KTN1: variants seen among roughly 807,000 people sequenced by gnomAD.
The protein encoded by KTN1 is kinectin 1.
Under a neutral mutation model 222.5 loss-of-function variants are expected in KTN1, and 130 were observed. That is an observed-to-expected ratio of 0.58 (90% CI 0.51 to 0.68). The LOEUF (loss-of-function observed/expected upper bound fraction) is 0.68. Among genes scored for constraint, KTN1 ranks in the 30% least tolerant of loss-of-function variants. The pLI is 0.00. For synonymous variants in KTN1, 512 were observed against 496.3 expected, an observed-to-expected ratio of 1.03 and a Z score of -0.42; for missense variants, 1,508 against 1,500.4, an observed-to-expected ratio of 1.01 and a Z score of -0.08.
At chr14:55,679,189 G>A (rs1158606589) in intron 42 of KTN1, 1 of 186,230 alleles carries the variant, frequency 5.4e-6, no homozygotes, top group Non-Finnish European at 1.1e-5. Context: ...ACAGTGCCTG[G>A]CACTTACTTA....
Position 55,612,538 on chromosome 14 carries a change from A to G in KTN1, c.490A>G (p.Lys164Glu). The change falls in exon 2 of 44, where the codon AAA becomes GAA. Residue 164 changes from lysine to glutamate, a missense_variant. Transcript: ENST00000395314. Reference protein sequence around the residue: ...PPSEAAASKKKPGQKKSKNGS... With the variant: ...PPSEAAASKKEPGQKKSKNGS... ...CTCTGAAGCAGCTGCCTCGAAGAAGAAACCAGGGCAGAAGAAGTCTAAAAA... is the reference window on the plus strand; with the variant it reads ...CTCTGAAGCAGCTGCCTCGAAGAAGGAACCAGGGCAGAAGAAGTCTAAAAA... 6.3e-7 allele frequency: 1 copy of G among 1,597,928 alleles called. No homozygotes were observed. Among genetic ancestry groups the G allele is most frequent in the East Asian group, 2.2e-5 (1 of 44,822 alleles).
intron 1 of KTN1, among the ~76,000 whole-genome samples, chr14:55,588,306 A>G (rs1414297127): frequency 1.3e-5 from 2 of 152,204 alleles, no homozygotes; most frequent in Non-Finnish European, 2.9e-5. Context: ...TGTAAGATGA[A>G]TCATCTGTCT....
At chr14:55,590,780 A>G (rs1460355544) in intron 1 of KTN1, among the ~76,000 whole-genome samples, 4 of 150,996 alleles carry the variant, frequency 2.6e-5, no homozygotes, top group Non-Finnish European at 5.9e-5. Flanking sequence ...GGTTCAAGCG[A>G]TTTTCCTGCA....
intron 1 of KTN1, among the ~76,000 whole-genome samples, chr14:55,599,282 C>A (rs905582535): frequency 6.6e-6 from 1 of 151,956 alleles, no homozygotes; most frequent in Non-Finnish European, 1.5e-5. Flanking sequence ...TTTTTGGGAT[C>A]TACTCCCTGT....
At chr14:55,665,459 G>A (rs1329899058) in intron 33 of KTN1, among the ~76,000 whole-genome samples, 5 of 151,952 alleles carry the variant, frequency 3.3e-5, no homozygotes, top group Admixed American at 2.6e-4. Flanking sequence ...GAATAGAATT[G>A]AAAGTCTTCT....
intron 1 of KTN1, among the ~76,000 whole-genome samples, chr14:55,589,656 CTTT>C (rs765755065): frequency 9.8e-6 from 1 of 102,056 alleles, no homozygotes; most frequent in African/African-American, 3.6e-5. Context: ...CATCTGATTT[CTTT>C]TTTTTTTTTT....
At chr14:55,592,884 T>A (rs2034379628) in intron 1 of KTN1, among the ~76,000 whole-genome samples, 1 of 152,238 alleles carries the variant, frequency 6.6e-6, no homozygotes, top group South Asian at 2.1e-4. Context: ...TGAAAAATTC[T>A]CACCTCTTTA....
chr14:55,656,069 G>C lies in KTN1; in HGVS notation c.2829G>C (p.Lys943Asn), dbSNP rs2043436135. Residue 943 changes from lysine to asparagine, a missense_variant, in exon 29 of 44, where the codon AAG (lysine) becomes AAC (asparagine). Physicochemically the swap from Lys to Asn is moderately conservative, Grantham distance 94. Coordinates refer to ENST00000395314, the MANE Select transcript of KTN1 (RefSeq NM_001079521.2). The stretch of plus-strand genomic sequence containing the variant: ...TGAAAGAAAAGGAAAATGAATTGAA[G>C]AGGTTAGAAGCCATGCTAAAAGAGA... ...IVLKEKENEL[K>N]RLEAMLKERE... 1 of 1,605,000 alleles carries C rather than the reference G, an allele frequency of 6.2e-7. No individual in the cohort carries two copies. Among genetic ancestry groups the C allele is most frequent in the South Asian group, 1.1e-5 (1 of 89,372 alleles).
intron 37 of KTN1, chr14:55,672,280 T>G (rs1431870352): frequency 8.5e-6 from 2 of 234,980 alleles, no homozygotes; most frequent in Admixed American, 1.0e-4. Context: ...TACTTCAGCG[T>G]GATAAAGAGT....
chr14:55,656,150 A>G lies in KTN1; in HGVS notation c.2892+18A>G. 2 of 1,484,582 alleles carry G rather than the reference A, an allele frequency of 1.3e-6. No individual in the cohort carries two copies. Among genetic ancestry groups the G allele is most frequent in the Non-Finnish European group, 9.3e-7 (1 of 1,079,014 alleles). The allele number at this position is 1,484,582 out of a possible 1,614,324, so 92.0% of individuals were successfully genotyped here. A position where few individuals can be genotyped will look rare whatever the true frequency, so the allele number is the denominator to read the frequency against. On this transcript the variant is annotated intron_variant, in intron 29 of 43. Transcript: ENST00000395314. The stretch of plus-strand genomic sequence containing the variant: ...TGTTACAGGTGAATATGGTGACTTA[A>G]AATTAATTATTTTGTAAATTATTGT...
In KTN1 at chr14:55,660,887, G is replaced by C. The variant is rs369221865; in HGVS notation, c.3000-635G>C. Reference sequence around the variant, plus strand: ...GTGGGCCCATAGCCCTAGTTTGCCAGCCTCTTATATGGACACTGATTCTCA... The same window carrying C: ...GTGGGCCCATAGCCCTAGTTTGCCACCCTCTTATATGGACACTGATTCTCA... On this transcript the variant is annotated intron_variant, in intron 31 of 43. Coordinates refer to ENST00000395314, the MANE Select transcript of KTN1 (RefSeq NM_001079521.2). 2.0e-5 allele frequency among the ~76,000 whole-genome samples: 3 copies of C among 152,190 alleles called. 1 individual carries two copies. Among genetic ancestry groups the C allele is most frequent in the South Asian group, 2.1e-4 (1 of 4,834 alleles).
intron 20 of KTN1, among the ~76,000 whole-genome samples, chr14:55,648,509 A>G (rs1424841334): frequency 6.6e-6 from 1 of 152,198 alleles, no homozygotes; most frequent in Admixed American, 6.5e-5. Flanking sequence ...ATGTATTTGA[A>G]TGTAGGGAGA....
At chr14:55,677,473 T>TAAAAAA (rs72424779) in intron 41 of KTN1, among the ~76,000 whole-genome samples, 1 of 98,336 alleles carries the variant, frequency 1.0e-5, no homozygotes, top group Non-Finnish European at 2.1e-5. Flanking sequence ...AAAGACTGTC[T>TAAAAAA]AAAAAAAAAA....
At chr14:55,657,726 A>G (rs2043653457) in intron 29 of KTN1, among the ~76,000 whole-genome samples, 1 of 151,996 alleles carries the variant, frequency 6.6e-6, no homozygotes, top group Admixed American at 6.6e-5. Context: ...AACATGGCCA[A>G]CGTGGTGAAA....
intron 6 of KTN1, among the ~76,000 whole-genome samples, chr14:55,628,874 G>GTGTATACT (rs1307427901): frequency 6.6e-6 from 1 of 152,158 alleles, no homozygotes; most frequent in African/African-American, 2.4e-5. Flanking sequence ...TACTTATGAT[G>GTGTATACT]TGTATACTTC....
intron 1 of KTN1, among the ~76,000 whole-genome samples, chr14:55,611,757 C>T (rs990697567): frequency 2.6e-5 from 4 of 152,134 alleles, no homozygotes; most frequent in African/African-American, 9.7e-5. Flanking sequence ...TTTTTCTCTT[C>T]AATTAGGATA....
intron 2 of KTN1, among the ~76,000 whole-genome samples, chr14:55,613,255 C>T (rs1430037679): frequency 6.6e-6 from 1 of 151,914 alleles, no homozygotes; most frequent in Non-Finnish European, 1.5e-5. Context: ...TAAGGTAGAC[C>T]ACTTAAAGCA....
chr14:55,619,982 C>G (rs1377081743), intron 5 of KTN1, among the ~76,000 whole-genome samples: 1 of 152,092 alleles, frequency 6.6e-6, no homozygotes, highest in Admixed American at 6.5e-5. Flanking sequence ...GCCTATGAGC[C>G]TGTAAAATCA....
intron 43 of KTN1, chr14:55,683,706 T>TAAAAAAAAAAA (rs5808818): frequency 6.6e-6 from 1 of 151,234 alleles, no homozygotes; most frequent in Non-Finnish European, 1.4e-5. Context: ...TCATATGACC[T>TAAAAAAAAAAA]AAAAAAAAAA....
Sources: gnomAD v4.1 joint callset for allele counts (sites outside exome capture counted in the v4.1 genomes callset) on GRCh38, gnomAD v4.1.1 for gene constraint, MANE v1.5 for transcripts, NCBI Gene and HGNC (gene_info 2026-07-23, HGNC 2026-07-21) for gene names.